Variants in CACNA2D1 observed in about 807,000 individuals in gnomAD.
CACNA2D1 encodes the protein voltage-dependent calcium channel subunit alpha-2/delta-1.
In CACNA2D1, 53 loss-of-function variants were observed where a neutral mutation model predicts 171.5. That is an observed-to-expected ratio of 0.31 (90% CI 0.25 to 0.39). CACNA2D1 has a LOEUF of 0.39. Among genes scored for constraint, CACNA2D1 ranks in the 10% least tolerant of loss-of-function variants. The pLI is 1.00. For synonymous variants in CACNA2D1, 442 were observed against 443.1 expected (o/e 1.00, Z 0.03); for missense variants, 903 against 1,299.8 (o/e 0.69, Z 4.69).
At chr7:82,214,455 T>C (rs1179954515) in intron 3 of CACNA2D1, among the ~76,000 whole-genome samples, 1 of 152,012 alleles carries the variant, frequency 6.6e-6, no homozygotes, top group African/African-American at 2.4e-5. Context: ...TTTTTTTTTT[T>C]TTCTTTTTGG....
At chr7:81,998,917 TACA>T (rs1164608157) in intron 18 of CACNA2D1, among the ~76,000 whole-genome samples, 4 of 152,250 alleles carry the variant, frequency 2.6e-5, no homozygotes, top group Non-Finnish European at 2.9e-5. Context: ...CTCTAAAGTT[TACA>T]ACATTATTCA....
intron 12 of CACNA2D1, chr7:82,029,882 A>G (rs916700472): frequency 1.3e-5 from 2 of 151,856 alleles, no homozygotes; most frequent in African/African-American, 4.8e-5. Context: ...TAAATGAAAC[A>G]TCACCACAAC....
chr7:82,061,699 A>C (rs1414617835), intron 9 of CACNA2D1, among the ~76,000 whole-genome samples: 1 of 152,124 alleles, frequency 6.6e-6, no homozygotes, highest in Non-Finnish European at 1.5e-5. Flanking sequence ...TTATTACTCA[A>C]ATCAATCTCA....
intron 1 of CACNA2D1, among the ~76,000 whole-genome samples, chr7:82,408,445 C>T (rs1188674979): frequency 6.6e-6 from 1 of 152,072 alleles, no homozygotes; most frequent in East Asian, 1.9e-4. Flanking sequence ...ACCTGACTTA[C>T]TAATGTATGA....
At chr7:82,043,620 G>GT (rs1804206274) in intron 10 of CACNA2D1, among the ~76,000 whole-genome samples, 1 of 152,158 alleles carries the variant, frequency 6.6e-6, no homozygotes, top group Non-Finnish European at 1.5e-5. Context: ...TCAAAACAAA[G>GT]TATCAGTATC....
chr7:82,048,127 T>G (rs1804761406), intron 10 of CACNA2D1, among the ~76,000 whole-genome samples: 2 of 150,024 alleles, frequency 1.3e-5, no homozygotes, highest in Non-Finnish European at 2.9e-5. Flanking sequence ...AAACATTAAA[T>G]TGTATCTGGG....
chr7:82,412,798 T>C (rs1036177261), intron 1 of CACNA2D1, among the ~76,000 whole-genome samples: 1 of 151,962 alleles, frequency 6.6e-6, no homozygotes, highest in African/African-American at 2.4e-5. Context: ...TAAAAAGTAC[T>C]TGATATTCAA....
chr7:82,180,736 A>G (rs1797036554), intron 3 of CACNA2D1, among the ~76,000 whole-genome samples: 1 of 152,096 alleles, frequency 6.6e-6, no homozygotes, highest in Non-Finnish European at 1.5e-5. Context: ...GAAATGCATT[A>G]CTTACAGATC....
At chr7:82,029,739 A>G (rs1383208910) in intron 12 of CACNA2D1, 1 of 151,768 alleles carries the variant, frequency 6.6e-6, no homozygotes, top group Non-Finnish European at 1.5e-5. Flanking sequence ...GTATGTATGT[A>G]TGTATGTATG....
intron 7 of CACNA2D1, among the ~76,000 whole-genome samples, chr7:82,074,712 C>T: frequency 6.6e-6 from 1 of 152,088 alleles, no homozygotes; most frequent in East Asian, 1.9e-4. Flanking sequence ...TCTTATCAGT[C>T]TTTCCTCCTT....
At chr7:82,424,344 C>T (rs2368026) in intron 1 of CACNA2D1, among the ~76,000 whole-genome samples, 100,543 of 152,082 alleles carry the variant, frequency 0.66, 34,929 homozygotes, top group African/African-American at 0.88. Context: ...TTAAAAAGCA[C>T]GTCATCGTTA....
chr7:82,328,258 G>A (rs911008553), intron 3 of CACNA2D1, among the ~76,000 whole-genome samples: 2 of 152,110 alleles, frequency 1.3e-5, no homozygotes, highest in Admixed American at 1.3e-4. Flanking sequence ...CTGGATTAAT[G>A]GTCAAAATAT....
intron 3 of CACNA2D1, among the ~76,000 whole-genome samples, chr7:82,187,251 C>A (rs1001409714): frequency 9.9e-5 from 15 of 152,004 alleles, no homozygotes; most frequent in African/African-American, 2.9e-4. Context: ...AGGTAAGTAC[C>A]ACAATAATCC....
At chr7:81,973,348 A>G (rs1795490587) in intron 25 of CACNA2D1, among the ~76,000 whole-genome samples, 1 of 152,194 alleles carries the variant, frequency 6.6e-6, no homozygotes, top group East Asian at 1.9e-4. Flanking sequence ...TGATCAATGT[A>G]AACTCTGGCT....
At chr7:82,382,028 GA>G (rs1276669892) in intron 1 of CACNA2D1, among the ~76,000 whole-genome samples, 3 of 152,014 alleles carry the variant, frequency 2.0e-5, no homozygotes, top group Admixed American at 6.6e-5. Context: ...AGACTATTAA[GA>G]AAAAAACATA....
rs890239287 is a variant in CACNA2D1, at chr7:81,958,349, CAAAT to C, written c.3159+922_3159+925del. Among the ~76,000 whole-genome samples the C allele has an allele frequency of 5.9e-5, 9 of 151,974 alleles. No individual in the cohort carries two copies. In the East Asian group the frequency reaches 9.7e-4, roughly 16 times the overall value. ...ATTTGAGTAGGTAAACTAAATAACTCAAATAATTTATGAGATAATGCTTTACAAG... is the reference window on the plus strand; with the variant it reads ...ATTTGAGTAGGTAAACTAAATAACTCAATTTATGAGATAATGCTTTACAAG... On this transcript the variant is annotated intron_variant, in intron 38 of 38. Coordinates refer to ENST00000356860, the MANE Select transcript of CACNA2D1 (RefSeq NM_000722.4).
In CACNA2D1 at chr7:82,232,040, T is replaced by G. The variant is rs188751272; in HGVS notation, c.295-61431A>C. ...ATTTTGACCACAGAAAGATTTTTAC[T>G]ATTCCATCTTTGTGGCTTTTTAGTA... On this transcript the variant is annotated intron_variant, in intron 3 of 38. Transcript: ENST00000356860. Among the ~76,000 whole-genome samples, 17 of 152,338 alleles carry G rather than the reference T, an allele frequency of 1.1e-4. No homozygotes were observed. In the East Asian group the frequency reaches 1.7e-3, roughly 16 times the overall value.
intron 1 of CACNA2D1, among the ~76,000 whole-genome samples, chr7:82,370,513 A>C (rs1445022884): frequency 1.3e-5 from 2 of 151,936 alleles, no homozygotes; most frequent in Non-Finnish European, 2.9e-5. Context: ...AAATTTTTTA[A>C]ATATTGACAA....
At chr7:82,079,820 G>A (rs1423329113) in intron 7 of CACNA2D1, among the ~76,000 whole-genome samples, 1 of 151,882 alleles carries the variant, frequency 6.6e-6, no homozygotes. Context: ...ATTACAGTTA[G>A]AGAGGAGGAA....
Sources: allele counts gnomAD v4.1 joint callset (sites outside exome capture counted in the v4.1 genomes callset), GRCh38; gene constraint gnomAD v4.1.1; transcripts MANE v1.5; gene names NCBI Gene and HGNC (gene_info 2026-07-23, HGNC 2026-07-21).